Variants in COQ8B observed in about 807,000 individuals in gnomAD.
COQ8B encodes coenzyme Q8B, also known as atypical kinase COQ8B, mitochondrial.
A neutral mutation model predicts 62.0 loss-of-function variants in COQ8B; 44 were observed. That is an observed-to-expected ratio of 0.71 (90% confidence interval 0.56 to 0.91). COQ8B has a LOEUF of 0.91. Ranked by LOEUF, COQ8B falls within the 40% of genes least tolerant of loss-of-function variation. The pLI is 0.00. For missense variants in COQ8B, 649 were observed against 731.6 expected (o/e 0.89, Z 1.30); for synonymous variants, 252 against 289.9 (o/e 0.87, Z 1.33).
intron 6 of COQ8B, 24 bp downstream of exon 6, chr19:40,705,301 C>T: frequency 1.9e-6 from 3 of 1,584,474 alleles, no homozygotes; most frequent in Non-Finnish European, 2.6e-6. Context: ...GGTCAGGGGT[C>T]AGGAGTCGAG....
chr19:40,702,466 G>C, intron 10 of COQ8B, 134 bp downstream of exon 10: 1 of 854,392 alleles, frequency 1.2e-6, no homozygotes, highest in Non-Finnish European at 2.0e-6. Flanking sequence ...GTGGAAGGAT[G>C]GATGAACAAT....
chr19:40,698,212 A>C (rs1424033640), intron 12 of COQ8B, among the ~76,000 whole-genome samples: 9 of 146,232 alleles, frequency 6.2e-5, no homozygotes, highest in Admixed American at 6.1e-4. Flanking sequence ...GCGAGACTTC[A>C]TCTCGGGGAA....
At chr19:40,698,174 C>T (rs910032226) in intron 12 of COQ8B, among the ~76,000 whole-genome samples, 1 of 150,054 alleles carries the variant, frequency 6.7e-6, no homozygotes, top group Non-Finnish European at 1.5e-5. Context: ...CGAGATCACA[C>T]CATTGCACTC....
At chr19:40,701,664 G>T (rs892928992) in intron 10 of COQ8B, among the ~76,000 whole-genome samples, 2 of 152,212 alleles carry the variant, frequency 1.3e-5, no homozygotes, top group African/African-American at 4.8e-5. Context: ...ACTCCACAGT[G>T]AGGGGATGCT....
At chr19:40,711,211 A>T (rs1341596930) in intron 4 of COQ8B, among the ~76,000 whole-genome samples, 1 of 150,610 alleles carries the variant, frequency 6.6e-6, no homozygotes, top group African/African-American at 2.4e-5. Context: ...TTCTCTGTCC[A>T]CACCTCCTCT....
intron 10 of COQ8B, 121 bp from the exon 11 acceptor site, chr19:40,700,572 T>G: frequency 8.1e-7 from 1 of 1,235,410 alleles, no homozygotes; most frequent in East Asian, 2.6e-5. Flanking sequence ...CCCTCCCTCC[T>G]GCCCATCTCT....
At chr19:40,693,143 A>C in intron 13 of COQ8B, 106 bp from the exon 14 acceptor site, 1 of 927,482 alleles carries the variant, frequency 1.1e-6, no homozygotes, top group Non-Finnish European at 1.7e-6. Flanking sequence ...CTCCATTCTC[A>C]TCTGCCTGGG....
rs58313890 is a variant in COQ8B at position 40,697,875 on chromosome 19, G to GAGAGAGAGAGAGAGAGAGAGGC, written c.1144-1822_1144-1821insGCCTCTCTCTCTCTCTCTCTCT. Among the ~76,000 whole-genome samples, 67 of 103,400 alleles carry GAGAGAGAGAGAGAGAGAGAGGC rather than the reference G, an allele frequency of 6.5e-4. 1 individual carries two copies. Among genetic ancestry groups the GAGAGAGAGAGAGAGAGAGAGGC allele is most frequent in the East Asian group, 5.0e-3 (17 of 3,380 alleles). 67.8% of individuals were successfully genotyped at this position (103,400 alleles called of 152,430 possible). The stretch of plus-strand genomic sequence containing the variant: ...ATAGAGAGAGAGAGAGAGAGAGAGA[G>GAGAGAGAGAGAGAGAGAGAGGC]AGTTTCTACTGGGCGTTCATGCAAA... On this transcript the variant is annotated intron_variant, in intron 12 of 14. Coordinates refer to ENST00000324464, the MANE Select transcript of COQ8B (RefSeq NM_024876.4).
At chr19:40,708,124 C>A (rs2082114836) in intron 5 of COQ8B, 1 of 152,166 alleles carries the variant, frequency 6.6e-6, no homozygotes, top group African/African-American at 2.4e-5. Context: ...TTCTCTGTCT[C>A]ATTCCAATTT....
chr19:40,716,857 C>A lies in COQ8B; in HGVS notation c.-274G>T, dbSNP rs544223171. ...CACCAGGACCCCGGTGCCCTAGATG[C>A]ATACCTGGCCGCGCTTCGGATGCTC... On this transcript the variant is annotated 5_prime_UTR_variant, in exon 1 of 15. An upstream start codon of the reference 5' UTR is lost. Transcript: ENST00000324464. 13 of 216,828 alleles carry A rather than the reference C, an allele frequency of 6.0e-5. No individual in the cohort carries two copies. Among genetic ancestry groups the A allele is most frequent in the Admixed American group, 2.9e-4 (5 of 17,040 alleles). The allele number at this position is 216,828 out of a possible 1,614,324, so 13.4% of individuals were successfully genotyped here.
chr19:40,707,507 A>G (rs1301811049), intron 5 of COQ8B, among the ~76,000 whole-genome samples: 1 of 151,644 alleles, frequency 6.6e-6, no homozygotes, highest in South Asian at 2.1e-4. Flanking sequence ...CTGGAGTACA[A>G]TGGCATGATC....
Position 40,700,331 on chromosome 19 carries a change from T to C in COQ8B, c.1014A>G (p.Leu338=), listed in dbSNP as rs1291521736. Residue 338 remains leucine (L), a synonymous_variant, in exon 11 of 15, where the codon CTA becomes CTG. Transcript: ENST00000324464. ...ATACCTGGTTCCGCAGGTCCTGGCTTAGGCCCTGGCACTGGTCCAGGGGGA... is the reference window on the plus strand; with the variant it reads ...ATACCTGGTTCCGCAGGTCCTGGCTCAGGCCCTGGCACTGGTCCAGGGGGA... ...GGVPLDQCQG[L]SQDLRNQICF... 6.2e-7 allele frequency: 1 copy of C among 1,613,952 alleles called. No individual in the cohort carries two copies. Among genetic ancestry groups the C allele is most frequent in the Non-Finnish European group, 8.5e-7 (1 of 1,179,966 alleles).
At chr19:40,705,042 G>A in intron 7 of COQ8B, 54 bp downstream of exon 7, 2 of 1,508,566 alleles carry the variant, frequency 1.3e-6, no homozygotes, top group African/African-American at 1.4e-5. Context: ...GGTCAGGCAG[G>A]TCAGAGGAGA....
chr19:40,699,979 C>T, intron 12 of COQ8B, 88 bp downstream of exon 12: 1 of 1,266,118 alleles, frequency 7.9e-7, no homozygotes, highest in Non-Finnish European at 1.1e-6. Context: ...TGGGGGTAAT[C>T]AACTGCTATT....
intron 13 of COQ8B, among the ~76,000 whole-genome samples, chr19:40,694,956 G>A (rs2082002664): frequency 6.6e-6 from 1 of 152,186 alleles, no homozygotes; most frequent in Non-Finnish European, 1.5e-5. Context: ...GGCCTAGGCT[G>A]GGCCCAGGTC....
intron 12 of COQ8B, 111 bp from the exon 13 acceptor site, chr19:40,696,165 G>C: frequency 8.0e-7 from 1 of 1,243,566 alleles, no homozygotes; most frequent in Non-Finnish European, 1.2e-6. Context: ...GCTCCTGCCA[G>C]AGTCCCTGCC....
chr19:40,702,773 C>T, intron 9 of COQ8B, 80 bp from the exon 10 acceptor site: 1 of 1,323,398 alleles, frequency 7.6e-7, no homozygotes, highest in Non-Finnish European at 1.1e-6. Flanking sequence ...CCTCTCTCTC[C>T]TGTCTCCCGC....
In COQ8B at chr19:40,703,772, A is replaced by G. The variant is rs768973061; in HGVS notation, c.660T>C (p.Ile220=). ...TCAGCAGGCCCTGGTGCACCTGCCC[A>G]ATTGAGGCAGCGGCAAAGGGCACCT... ...LEEVPFAAAS[I]GQVHQGLLRD... Residue 220 remains isoleucine, a synonymous_variant, in exon 8 of 15, where the codon ATT becomes ATC. Coordinates refer to ENST00000324464, the MANE Select transcript of COQ8B (RefSeq NM_024876.4). The G allele has an allele frequency of 1.3e-5, 21 of 1,613,964 alleles. No homozygotes were observed. The highest frequency in any genetic ancestry group is 1.4e-5 in the Non-Finnish European group (16 of 1,179,966).
intron 13 of COQ8B, 105 bp from the exon 14 acceptor site, chr19:40,693,142 C>T (rs2081987245): frequency 1.1e-6 from 1 of 940,248 alleles, no homozygotes; most frequent in Non-Finnish European, 1.6e-6. Context: ...CCTCCATTCT[C>T]ATCTGCCTGG....
Sources: gnomAD v4.1 joint callset for allele counts (sites outside exome capture counted in the v4.1 genomes callset) on GRCh38, gnomAD v4.1.1 for gene constraint, MANE v1.5 for transcripts, NCBI Gene and HGNC (gene_info 2026-07-23, HGNC 2026-07-21) for gene names.